The following TRMT44 variants were observed in gnomAD, a reference collection of about 807,000 sequenced individuals.
TRMT44 encodes tRNA methyltransferase 44 homolog, also known as probable tRNA (uracil-O(2)-)-methyltransferase.
In TRMT44, 78 loss-of-function variants were observed where a neutral mutation model predicts 77.3. The observed-to-expected ratio is 1.01, with a 90% confidence interval of 0.84 to 1.22. The LOEUF (loss-of-function observed/expected upper bound fraction) is 1.22, where lower values mean the gene tolerates loss of function less well. Among genes scored for constraint, TRMT44 ranks in the 50% most tolerant of loss-of-function variants. The pLI is 0.00. For missense variants in TRMT44, 1,090 were observed against 964.4 expected (o/e 1.13, Z -1.73); for synonymous variants, 391 against 383.3 (o/e 1.02, Z -0.23).
At chr4:8,477,825 G>A (rs1005498368), downstream of TRMT44, 2 of 152,604 alleles carry the variant, frequency 1.3e-5, no homozygotes, top group Non-Finnish European at 2.9e-5. Context: ...AAGGGCTGAG[G>A]CCAACCACAA....
downstream of TRMT44, among the ~76,000 whole-genome samples, chr4:8,479,950 T>C (rs1477824510): frequency 6.6e-6 from 1 of 152,122 alleles, no homozygotes; most frequent in Non-Finnish European, 1.5e-5. Context: ...CCATCTCGGC[T>C]CACTACAGTG....
chr4:8,451,313 T>C lies in TRMT44; in HGVS notation c.955-647T>C, dbSNP rs555013460. On this transcript the variant is annotated intron_variant, in intron 3 of 10. Coordinates refer to ENST00000389737, the MANE Select transcript of TRMT44 (RefSeq NM_152544.3). This position sits in a 1 kb window ranked among gnomAD's most constrained non-coding sequence, Gnocchi z 4.1. Reference sequence around the variant, plus strand: ...TTTGAAATTGTTTCTAGTGGGATGGTTCATCTGTATTGTCTAAGGCGCTGT... The same window carrying C: ...TTTGAAATTGTTTCTAGTGGGATGGCTCATCTGTATTGTCTAAGGCGCTGT... 1.3e-5 allele frequency among the ~76,000 whole-genome samples: 2 copies of C among 152,330 alleles called. No individual in the cohort carries two copies. The highest frequency in any genetic ancestry group is 1.3e-4 in the Admixed American group (2 of 15,302).
chr4:8,448,678 G>A (rs1359848223), intron 2 of TRMT44, among the ~76,000 whole-genome samples: 1 of 152,246 alleles, frequency 6.6e-6, no homozygotes, highest in Non-Finnish European at 1.5e-5. Context: ...TGGGCCAGGG[G>A]AAAGGTTCAG....
intron 5 of TRMT44, chr4:8,454,526 G>A (rs1725664933): frequency 3.4e-6 from 2 of 593,712 alleles, no homozygotes; most frequent in Non-Finnish European, 6.0e-6. Context: ...GGTTCCAGCT[G>A]TTGCTGCTAG....
At chr4:8,476,619 A>ATTT, downstream of TRMT44, 1 of 153,252 alleles carries the variant, frequency 6.5e-6, no homozygotes, top group Non-Finnish European at 1.5e-5. Context: ...GGCTTTAAAA[A>ATTT]TGTAAATATC....
chr4:8,458,459 CTTTTCTTTT>C (rs1416553699), intron 6 of TRMT44, among the ~76,000 whole-genome samples: 61 of 142,752 alleles, frequency 4.3e-4, no homozygotes, highest in African/African-American at 1.5e-3. Flanking sequence ...ATTTTCTTTT[CTTTTCTTTT>C]TTTTTTTTTT....
rs1726359335 is a variant in TRMT44 at position 8,464,074 on chromosome 4, A to ACCT, written c.1294_1296dup (p.Pro432dup). ...ATTCTGATGAACTCACACCATGGAT[A>ACCT]CCTGTCATTGCAGCCAGGTGAGAAG... On this transcript the variant is annotated inframe_insertion, in exon 7 of 11. Transcript: ENST00000389737. 6.2e-7 allele frequency: 1 copy of ACCT among 1,613,842 alleles called. No homozygotes were observed. The highest frequency in any genetic ancestry group is 8.5e-7 in the Non-Finnish European group (1 of 1,179,934).
intron 2 of TRMT44, among the ~76,000 whole-genome samples, chr4:8,486,646 G>T (rs933502812): frequency 6.6e-6 from 1 of 151,774 alleles, no homozygotes; most frequent in African/African-American, 2.4e-5. Context: ...AACTGGGCTG[G>T]GTTTTTATAT....
At position 8,442,700 on chromosome 4, in the gene TRMT44, G is replaced by T. The variant is rs145332803; in HGVS notation, c.619+1259G>T. Among the ~76,000 whole-genome samples, 570 of 152,310 alleles carry T rather than the reference G, an allele frequency of 3.7e-3. 5 individuals are homozygous for T. The highest frequency in any genetic ancestry group is 0.011 in the East Asian group (58 of 5,180). On this transcript the variant is annotated intron_variant, in intron 1 of 10. Coordinates refer to ENST00000389737, the MANE Select transcript of TRMT44 (RefSeq NM_152544.3). Reference sequence around the variant, plus strand: ...AATCCAATTTTTTATGTAGGACTGGGGTCCTTGTTCCCTTGCTGGCTGTCA... The same window carrying T: ...AATCCAATTTTTTATGTAGGACTGGTGTCCTTGTTCCCTTGCTGGCTGTCA...
Position 8,475,974 on chromosome 4 carries a change from G to A in TRMT44, c.2247G>A (p.Arg749=). 1 of 1,613,994 alleles carries A rather than the reference G, an allele frequency of 6.2e-7. No individual in the cohort carries two copies. Among genetic ancestry groups the A allele is most frequent in the Non-Finnish European group, 8.5e-7 (1 of 1,180,030 alleles). ...AHGPAELRPP[R]TTPRKKIS The stretch of plus-strand genomic sequence containing the variant: ...GGCCTGCGGAGCTGCGGCCACCCCG[G>A]ACCACCCCGAGGAAGAAGATTTCAT... Residue 749 remains arginine, a synonymous_variant, in exon 11 of 11, where the codon CGG becomes CGA. Transcript: ENST00000389737.
intron 8 of TRMT44, among the ~76,000 whole-genome samples, chr4:8,467,148 C>T (rs1223993432): frequency 1.3e-5 from 2 of 152,212 alleles, no homozygotes; most frequent in African/African-American, 2.4e-5. Flanking sequence ...TCCAGGCCCT[C>T]TGCGCAGCCC....
In TRMT44 at chr4:8,468,076, C is replaced by T. The variant is rs542708703; in HGVS notation, c.1657C>T (p.His553Tyr). Reference sequence around the variant, plus strand: ...CTGGGTTGCTGCTGGCAGTGCTGGTCACTGTGACGGTCAGCAAGCTCTGGA... The same window carrying T: ...CTGGGTTGCTGCTGGCAGTGCTGGTTACTGTGACGGTCAGCAAGCTCTGGA... ...PRWVAAGSAG[H>Y]CDGQQALDAR... Residue 553 changes from histidine (H) to tyrosine (Y), a missense_variant, in exon 9 of 11, where the codon CAC becomes TAC. By Grantham distance (83) the His-to-Tyr change is moderately conservative (BLOSUM62 2). Coordinates refer to ENST00000389737, the MANE Select transcript of TRMT44 (RefSeq NM_152544.3). 2 of 1,613,958 alleles carry T rather than the reference C, an allele frequency of 1.2e-6. No individual in the cohort carries two copies. The highest frequency in any genetic ancestry group is 2.2e-5 in the South Asian group (2 of 91,070).
chr4:8,480,450 A>T (rs1420472119), downstream of TRMT44, among the ~76,000 whole-genome samples: 2 of 152,124 alleles, frequency 1.3e-5, no homozygotes, highest in African/African-American at 2.4e-5. Context: ...GAGCATTCGC[A>T]GTGGGTTTGT....
rs1012428609 is a variant in TRMT44 at position 8,446,274 on chromosome 4, G to A, written c.620-202G>A. 6.6e-6 allele frequency among the ~76,000 whole-genome samples: 1 copy of A among 152,204 alleles called. No homozygotes were observed. Among genetic ancestry groups the A allele is most frequent in the African/African-American group, 2.4e-5 (1 of 41,444 alleles). On this transcript the variant is annotated intron_variant, in intron 1 of 10. Transcript: ENST00000389737. This position sits in a 1 kb window ranked among gnomAD's most constrained non-coding sequence, Gnocchi z 4.3. The stretch of plus-strand genomic sequence containing the variant: ...TCTCAACAGATACTTGCAGAGAATG[G>A]CTGCTGTATGCCTGGCACATTCTAG...
chr4:8,470,359 G>T (rs756016156), intron 9 of TRMT44, among the ~76,000 whole-genome samples: 12 of 152,210 alleles, frequency 7.9e-5, no homozygotes, highest in Middle Eastern at 3.2e-3. Context: ...CGTCTCCTCC[G>T]CTCTCCTGCA....
downstream of TRMT44, among the ~76,000 whole-genome samples, chr4:8,497,766 A>T (rs931595949): frequency 6.6e-6 from 1 of 152,236 alleles, no homozygotes; most frequent in Non-Finnish European, 1.5e-5. Flanking sequence ...TCTCCATATC[A>T]GTCTCTTTAG....
At chr4:8,445,506 G>A (rs1306065325) in intron 1 of TRMT44, among the ~76,000 whole-genome samples, 3 of 152,174 alleles carry the variant, frequency 2.0e-5, no homozygotes, top group East Asian at 1.9e-4. Flanking sequence ...CTGAGCACAC[G>A]CCTGCCCTAG....
the TRMT44 span, among the ~76,000 whole-genome samples, chr4:8,513,350 G>A: frequency 2.0e-5 from 3 of 152,154 alleles, no homozygotes; most frequent in African/African-American, 7.2e-5. Context: ...TCATGAACTC[G>A]TTCACTATCA....
At chr4:8,498,395 T>A (rs1052951113), downstream of TRMT44, among the ~76,000 whole-genome samples, 1 of 151,496 alleles carries the variant, frequency 6.6e-6, no homozygotes, top group African/African-American at 2.4e-5. This position sits in a 1 kb window ranked among gnomAD's most constrained non-coding sequence, Gnocchi z 4.3. Flanking sequence ...AGAAAAGAGG[T>A]TTAATTGGCT....
Sources: allele counts gnomAD v4.1 joint callset (sites outside exome capture counted in the v4.1 genomes callset), GRCh38; gene constraint gnomAD v4.1.1; non-coding constraint Gnocchi (gnomAD v3.1); transcripts MANE v1.5; gene names NCBI Gene and HGNC (gene_info 2026-07-23, HGNC 2026-07-21).